Variants in CCDC88B observed in about 807,000 individuals in gnomAD.
The protein encoded by CCDC88B is coiled-coil and HOOK domain protein 88B, also known as coiled-coil domain-containing protein 88B.
Under a neutral mutation model 183.7 loss-of-function variants are expected in CCDC88B, and 138 were observed. That is an observed-to-expected ratio of 0.75 (90% CI 0.65 to 0.87). The LOEUF is 0.87. CCDC88B is among the 40% of genes least tolerant of loss of function. The probability of loss-of-function intolerance (pLI) is 0.00; values close to 1 mark genes in which losing one functional copy is unlikely to be tolerated. For synonymous variants in CCDC88B, 835 were observed against 867.5 expected (o/e 0.96, Z 0.66); for missense variants, 1,822 against 1,965.6 (o/e 0.93, Z 1.38).
At chr11:64,341,243 T>G in intron 4 of CCDC88B, 27 bp from the exon 5 acceptor site, 1 of 1,614,118 alleles carries the variant, frequency 6.2e-7, no homozygotes, top group Admixed American at 1.7e-5. Flanking sequence ...CCGCCCCAGT[T>G]AACCCCTTGT....
Position 64,349,100 on chromosome 11 carries a change from G to A in CCDC88B, c.2617-231G>A, listed in dbSNP as rs114295780. 233 of 716,892 alleles carry A rather than the reference G, an allele frequency of 3.3e-4. 1 individual carries two copies. In the African/African-American group the frequency reaches 3.4e-3, roughly 11 times the overall value. 44.4% of individuals were successfully genotyped at this position (716,892 alleles called of 1,614,324 possible). ...TGTCACCTACCGACTCCCAGCCCAG[G>A]GGCCTTCCTCATGCCCTGCCAGGCT... On this transcript the variant is annotated intron_variant, in intron 14 of 26. Transcript: ENST00000356786.
In CCDC88B at chr11:64,353,356, G is replaced by A; in HGVS notation, c.3693G>A (p.Leu1231=). 6.2e-7 allele frequency: 1 copy of A among 1,613,478 alleles called. No individual in the cohort carries two copies. The highest frequency in any genetic ancestry group is 8.5e-7 in the Non-Finnish European group (1 of 1,179,898). ...ACRLTTQCEL[L]TQLRSAQEEE... is the part of the protein sequence containing the mutation. ...CCATGGTGCCCCCCTGCCAGCTATT[G>A]ACACAGCTGCGAAGTGCCCAGGAAG... The change falls in exon 22 of 27, where the codon TTG becomes TTA. Residue 1231 remains leucine, a synonymous_variant. Transcript: ENST00000356786.
chr11:64,349,928 C>T (rs966019061), intron 16 of CCDC88B: 40 of 540,786 alleles, frequency 7.4e-5, no homozygotes, highest in African/African-American at 4.9e-4. Context: ...CTGTCTCACC[C>T]GAGGTCCTCC....
At position 64,357,408 on chromosome 11, in the gene CCDC88B, A is replaced by G; in HGVS notation, c.*314A>G. ...TGAAGGAGGCTGGCAGGAGTTGGCA[A>G]GAGAACCCCCTGCCCTGTCCAGGTG... On this transcript the variant is annotated 3_prime_UTR_variant, in exon 27 of 27. Coordinates refer to ENST00000356786, the MANE Select transcript of CCDC88B (RefSeq NM_032251.6). The G allele has an allele frequency of 1.4e-6, 1 of 717,372 alleles. No individual in the cohort carries two copies. 44.4% of individuals were successfully genotyped at this position (717,372 alleles called of 1,614,324 possible).
Position 64,344,229 on chromosome 11 carries a change from A to C in CCDC88B, c.1688A>C (p.Gln563Pro), listed in dbSNP as rs1251681623. Reference protein sequence around the residue: ...SDPQEAESPLQAAAMDPQASD... With the variant: ...SDPQEAESPLPAAAMDPQASD... Reference sequence around the variant, plus strand: ...CCACAGGAGGCAGAGAGTCCCCTTCAGGCAGCTGCCATGGACCCCCAGGCC... The same window carrying C: ...CCACAGGAGGCAGAGAGTCCCCTTCCGGCAGCTGCCATGGACCCCCAGGCC... Residue 563 changes from glutamine to proline, a missense_variant, in exon 14 of 27, where the codon CAG becomes CCG. By Grantham distance (76) the Gln-to-Pro change is moderately conservative. Transcript: ENST00000356786. The surrounding 1 kb of genome is among the most constrained non-coding windows in gnomAD (Gnocchi z 4.5). The C allele has an allele frequency of 6.2e-7, 1 of 1,612,760 alleles. No homozygotes were observed. The highest frequency in any genetic ancestry group is 8.5e-7 in the Non-Finnish European group (1 of 1,179,600).
chr11:64,342,718 G>A lies in CCDC88B; in HGVS notation c.1062+38G>A, dbSNP rs781508794. On this transcript the variant is annotated intron_variant, in intron 10 of 26. Transcript: ENST00000356786. ...CGGAGCCGCGGGGCGGGGCGTGCGC[G>A]AGGGGGCGGGCCAGGAGGAGGGGCG... 26 of 1,442,940 alleles carry A rather than the reference G, an allele frequency of 1.8e-5. No homozygotes were observed. The South Asian group carries it at 3.3e-4, about 18-fold the overall frequency. The allele number at this position is 1,442,940 out of a possible 1,614,324, so 89.4% of individuals were successfully genotyped here. A position where few individuals can be genotyped will look rare whatever the true frequency, so the allele number is the denominator to read the frequency against.
intron 18 of CCDC88B, 102 bp downstream of exon 18, chr11:64,351,718 G>A: frequency 7.4e-7 from 1 of 1,357,042 alleles, no homozygotes. Flanking sequence ...CCAGCCAGCT[G>A]CCCCACCTCT....
rs770618130 is a variant in CCDC88B at position 64,357,411 on chromosome 11, GA to G, written c.*319del. Reference sequence around the variant, plus strand: ...AGGAGGCTGGCAGGAGTTGGCAAGAGAACCCCCTGCCCTGTCCAGGTGGGAA... The same window carrying G: ...AGGAGGCTGGCAGGAGTTGGCAAGAGACCCCCTGCCCTGTCCAGGTGGGAA... On this transcript the variant is annotated 3_prime_UTR_variant, in exon 27 of 27. Coordinates refer to ENST00000356786, the MANE Select transcript of CCDC88B (RefSeq NM_032251.6). 1.4e-6 allele frequency: 1 copy of G among 717,404 alleles called. No individual in the cohort carries two copies. The highest frequency in any genetic ancestry group is 2.7e-5 in the East Asian group (1 of 37,360). 44.4% of individuals were successfully genotyped at this position (717,404 alleles called of 1,614,324 possible). A position where few individuals can be genotyped will look rare whatever the true frequency, so the allele number is the denominator to read the frequency against.
chr11:64,349,558 G>C lies in CCDC88B; in HGVS notation c.2752G>C (p.Gly918Arg). Residue 918 changes from glycine to arginine, a missense_variant, in exon 16 of 27, where the codon GGC becomes CGC. Coordinates refer to ENST00000356786, the MANE Select transcript of CCDC88B (RefSeq NM_032251.6). The part of the protein sequence containing the change: ...EKESQHQRYQ[G>R]LEQRLEAELQ... ...TAAGGATTCTCCTGGCAGGTACCAG[G>C]GCTTGGAGCAGCGGCTGGAAGCTGA... is the stretch of plus-strand genomic sequence containing the variant. 6.2e-7 allele frequency: 1 copy of C among 1,600,466 alleles called. No individual in the cohort carries two copies. Among genetic ancestry groups the C allele is most frequent in the African/African-American group, 1.3e-5 (1 of 74,908 alleles).
Position 64,342,512 on chromosome 11 carries a change from T to G in CCDC88B, c.904-10T>G, listed in dbSNP as rs536741206. On this transcript the variant is annotated splice_polypyrimidine_tract_variant and intron_variant, in intron 9 of 26. Coordinates refer to ENST00000356786, the MANE Select transcript of CCDC88B (RefSeq NM_032251.6). ...GCTGGCTGTTCCCAGCTCCACACCG[T>G]CTGGCCCAGGCCCAGGCGCTGTCGG... The G allele has an allele frequency of 6.5e-7, 1 of 1,528,096 alleles. No individual in the cohort carries two copies. Among genetic ancestry groups the G allele is most frequent in the Non-Finnish European group, 8.8e-7 (1 of 1,141,898 alleles). The allele number at this position is 1,528,096 out of a possible 1,614,324, so 94.7% of individuals were successfully genotyped here.
In CCDC88B at chr11:64,357,433, G is replaced by T; in HGVS notation, c.*339G>T. The T allele has an allele frequency of 1.4e-6, 1 of 717,288 alleles. No homozygotes were observed. Among genetic ancestry groups the T allele is most frequent in the Non-Finnish European group, 2.6e-6 (1 of 385,032 alleles). The allele number at this position is 717,288 out of a possible 1,614,324, so 44.4% of individuals were successfully genotyped here. ...AGAGAACCCCCTGCCCTGTCCAGGTGGGAAGCTGAGTCCCAGTGCTGGGGG... is the reference window on the plus strand; with the variant it reads ...AGAGAACCCCCTGCCCTGTCCAGGTTGGAAGCTGAGTCCCAGTGCTGGGGG... On this transcript the variant is annotated 3_prime_UTR_variant, in exon 27 of 27. Transcript: ENST00000356786.
At position 64,344,449 on chromosome 11, in the gene CCDC88B, T is replaced by C. The variant is rs1385789532; in HGVS notation, c.1908T>C (p.Pro636=). ...AGGCTCCCCAAGGCGAGTTGGTGCC[T>C]GAGGCCTGGGGGTTGAGACAGGAGG... The part of the protein sequence containing the change: ...GREAPQGELV[P]EAWGLRQEGP... Residue 636 remains proline, a synonymous_variant, in exon 14 of 27, where the codon CCT becomes CCC. Transcript: ENST00000356786. This position sits in a 1 kb window ranked among gnomAD's most constrained non-coding sequence, Gnocchi z 4.5. The C allele has an allele frequency of 6.3e-7, 1 of 1,591,746 alleles. No homozygotes were observed. The highest frequency in any genetic ancestry group is 8.6e-7 in the Non-Finnish European group (1 of 1,169,484).
In CCDC88B at chr11:64,344,383, T is replaced by C. The variant is rs2036013726; in HGVS notation, c.1842T>C (p.Ile614=). The C allele has an allele frequency of 6.3e-7, 1 of 1,582,104 alleles. No individual in the cohort carries two copies. The stretch of plus-strand genomic sequence containing the variant: ...CACCTCAGGGTCCAGGGACCAAAAT[T>C]CAGGCCCCGCAGTTGCTGGGAGGAG... ...VAPPQGPGTK[I]QAPQLLGGET... Residue 614 remains isoleucine (I), a synonymous_variant, in exon 14 of 27, where the codon ATT becomes ATC. Coordinates refer to ENST00000356786, the MANE Select transcript of CCDC88B (RefSeq NM_032251.6). The surrounding 1 kb of genome is among the most constrained non-coding windows in gnomAD (Gnocchi z 4.5).
chr11:64,346,639 A>C (rs527500582), intron 14 of CCDC88B, among the ~76,000 whole-genome samples: 1 of 151,498 alleles, frequency 6.6e-6, no homozygotes, highest in Admixed American at 6.6e-5. Context: ...ACGGGGTTTC[A>C]CCATGTTAGC....
At chr11:64,354,320 C>A in intron 24 of CCDC88B, 150 bp downstream of exon 24, 2 of 599,374 alleles carry the variant, frequency 3.3e-6, no homozygotes, top group Non-Finnish European at 4.9e-6. Context: ...ACCAGGGGCT[C>A]TTTTCCCTGG....
chr11:64,341,829 G>C, intron 7 of CCDC88B, 87 bp downstream of exon 7: 2 of 1,522,052 alleles, frequency 1.3e-6, no homozygotes, highest in Non-Finnish European at 1.8e-6. Flanking sequence ...TGGAAGTTTG[G>C]GGCCCAGGCA....
rs756527659 is a variant in CCDC88B at position 64,341,433 on chromosome 11, G to A, written c.460G>A (p.Glu154Lys). The change falls in exon 6 of 27, where the codon GAA (glutamate) becomes AAA (lysine). Residue 154 changes from glutamate to lysine, a missense_variant. Coordinates refer to ENST00000356786, the MANE Select transcript of CCDC88B (RefSeq NM_032251.6). Reference protein sequence around the residue: ...LGASVQCEHRELFIRHIQGLS... With the variant: ...LGASVQCEHRKLFIRHIQGLS... ...TGTCTCCCCTCAGTGTGAGCACCGG[G>A]AACTCTTCATCCGCCACATCCAGGG... 6 of 1,613,966 alleles carry A rather than the reference G, an allele frequency of 3.7e-6. No homozygotes were observed. The highest frequency in any genetic ancestry group is 5.1e-6 in the Non-Finnish European group (6 of 1,180,010).
chr11:64,345,259 G>A, intron 14 of CCDC88B, 102 bp downstream of exon 14: 2 of 1,323,764 alleles, frequency 1.5e-6, no homozygotes, highest in East Asian at 2.5e-5. Flanking sequence ...GCCCAGCACT[G>A]AGCTGGGGCT....
At position 64,345,052 on chromosome 11, in the gene CCDC88B, C is replaced by G. The variant is rs1263379563; in HGVS notation, c.2511C>G (p.Ala837=). 4 of 1,549,074 alleles carry G rather than the reference C, an allele frequency of 2.6e-6. No homozygotes were observed. Among genetic ancestry groups the G allele is most frequent in the East Asian group, 4.8e-5 (2 of 41,804 alleles). ...QWEREGSRLR[A]QSEAAEERMQ... ...AGCGTGAGGGGTCCAGGCTGCGGGC[C>G]CAGTCGGAGGCCGCCGAGGAACGGA... The change falls in exon 14 of 27, where the codon GCC becomes GCG. Residue 837 remains alanine, a synonymous_variant. Transcript: ENST00000356786.
Sources: allele counts gnomAD v4.1 joint callset (sites outside exome capture counted in the v4.1 genomes callset), GRCh38; gene constraint gnomAD v4.1.1; non-coding constraint Gnocchi (gnomAD v3.1); transcripts MANE v1.5; gene names NCBI Gene and HGNC (gene_info 2026-07-23, HGNC 2026-07-21).